CCDC62: variants seen among roughly 807,000 people sequenced by gnomAD.
CCDC62 encodes coiled-coil domain containing 62.
Under a neutral mutation model 80.8 loss-of-function variants are expected in CCDC62, and 72 were observed. That is an observed-to-expected ratio of 0.89 (90% confidence interval 0.74 to 1.08). The LOEUF is 1.08. Ranked by LOEUF, CCDC62 falls within the 50% of genes least tolerant of loss-of-function variation. The pLI is 0.00. For synonymous variants in CCDC62, 286 were observed against 296.5 expected, an observed-to-expected ratio of 0.96 and a Z score of 0.36; for missense variants, 704 against 809.4, an observed-to-expected ratio of 0.87 and a Z score of 1.58.
chr12:122,791,405 T>C (rs75381856), intron 5 of CCDC62, among the ~76,000 whole-genome samples: 8,466 of 147,080 alleles, frequency 0.058, 413 homozygotes, highest in East Asian at 0.28. Flanking sequence ...TCCCAAAGTG[T>C]TGGGATTACA....
chr12:122,786,811 T>A (rs986481098), intron 4 of CCDC62, among the ~76,000 whole-genome samples: 28 of 151,510 alleles, frequency 1.8e-4, no homozygotes, highest in African/African-American at 6.8e-4. Flanking sequence ...ATACAAAAAA[T>A]TCCCCGGGCG....
chr12:122,806,107 ATTGTT>A lies in CCDC62; in HGVS notation c.1707-41_1707-37del, dbSNP rs773235774. 5.1e-6 allele frequency: 8 copies of A among 1,564,024 alleles called. No homozygotes were observed. The African/African-American group carries it at 9.6e-5, about 19-fold the overall frequency. On this transcript the variant is annotated intron_variant, in intron 9 of 12. Transcript: ENST00000253079. ...AGTATAAGAGTGATCTATGTATGAT[ATTGTT>A]TTAAGATATTTGTTTTTGTTGGGTT...
intron 11 of CCDC62, among the ~76,000 whole-genome samples, chr12:122,821,845 C>G (rs2032413928): frequency 6.6e-6 from 1 of 151,994 alleles, no homozygotes; most frequent in Admixed American, 6.6e-5. Context: ...ATGACTAAAC[C>G]AGCTGTGTAT....
intron 3 of CCDC62, among the ~76,000 whole-genome samples, chr12:122,784,395 C>A (rs1275742836): frequency 6.6e-6 from 1 of 152,148 alleles, no homozygotes; most frequent in Non-Finnish European, 1.5e-5. Context: ...GTGGCACGTG[C>A]CTGTAATCCC....
At chr12:122,800,399 A>C (rs557437360) in intron 8 of CCDC62, among the ~76,000 whole-genome samples, 9 of 151,090 alleles carry the variant, frequency 6.0e-5, no homozygotes, top group Admixed American at 4.6e-4. Flanking sequence ...TAGGCAACAT[A>C]GCAAGACCCT....
intron 2 of CCDC62, among the ~76,000 whole-genome samples, chr12:122,778,881 CAAAG>C (rs1879648252): frequency 6.7e-6 from 1 of 148,212 alleles, no homozygotes; most frequent in Non-Finnish European, 1.5e-5. Flanking sequence ...TCCGTCAAAA[CAAAG>C]AAAGAAACAA....
At chr12:122,775,212 C>T (rs185638507) in intron 1 of CCDC62, among the ~76,000 whole-genome samples, 82 of 152,226 alleles carry the variant, frequency 5.4e-4, no homozygotes, top group African/African-American at 1.9e-3. Flanking sequence ...AGCGCGTACC[C>T]GGTGCTTACT....
intron 9 of CCDC62, among the ~76,000 whole-genome samples, chr12:122,804,001 T>TTGG: frequency 6.6e-6 from 1 of 152,226 alleles, no homozygotes; most frequent in East Asian, 1.9e-4. Context: ...TGCCAAGATA[T>TTGG]CACATGACAA....
chr12:122,825,031 A>C (rs937485668), intron 12 of CCDC62, among the ~76,000 whole-genome samples: 1 of 150,792 alleles, frequency 6.6e-6, no homozygotes, highest in Non-Finnish European at 1.5e-5. Flanking sequence ...GGTTGCAGTG[A>C]GCCGAGATCG....
intron 1 of CCDC62, among the ~76,000 whole-genome samples, chr12:122,775,674 G>A (rs7962224): frequency 1.3e-5 from 2 of 152,120 alleles, no homozygotes; most frequent in East Asian, 1.9e-4. Flanking sequence ...GTACAGTGAC[G>A]CAATGTCGGC....
At chr12:122,781,021 T>C (rs1413885482) in intron 2 of CCDC62, 143 bp from the exon 3 acceptor site, 7 of 628,516 alleles carry the variant, frequency 1.1e-5, no homozygotes, top group East Asian at 5.7e-5. Flanking sequence ...TGTGATATTG[T>C]GCATTTCATA....
chr12:122,806,950 A>G (rs1239647856), intron 10 of CCDC62, among the ~76,000 whole-genome samples: 1 of 152,016 alleles, frequency 6.6e-6, no homozygotes, highest in African/African-American at 2.4e-5. Context: ...CCTTCCTCCA[A>G]ATACACAACC....
At chr12:122,780,477 G>A (rs954860287) in intron 2 of CCDC62, among the ~76,000 whole-genome samples, 19 of 151,742 alleles carry the variant, frequency 1.3e-4, no homozygotes, top group African/African-American at 4.1e-4. Context: ...AGCCAGGCGT[G>A]GTGGCAGGCA....
chr12:122,789,573 C>T (rs1405424521), intron 5 of CCDC62, among the ~76,000 whole-genome samples: 2 of 152,152 alleles, frequency 1.3e-5, no homozygotes, highest in African/African-American at 4.8e-5. Flanking sequence ...GCTGGGATTA[C>T]AGGCACCTAC....
At chr12:122,785,692 A>G in intron 3 of CCDC62, 27 bp from the exon 4 acceptor site, 1 of 1,418,478 alleles carries the variant, frequency 7.0e-7, no homozygotes, top group Non-Finnish European at 1.0e-6. Context: ...GGACTCAAGC[A>G]GTATCATCTG....
rs745347934 is a variant in CCDC62 at position 122,806,309 on chromosome 12, T to C, written c.1851+14T>C. The C allele has an allele frequency of 2.5e-6, 4 of 1,598,288 alleles. No homozygotes were observed. In the African/African-American group the frequency reaches 5.4e-5, roughly 21 times the overall value. On this transcript the variant is annotated intron_variant, in intron 10 of 12. Coordinates refer to ENST00000253079, the MANE Select transcript of CCDC62 (RefSeq NM_201435.5). ...TTCAATGAAAAGGTTCGTATTTTGC[T>C]TAGACATCCCCAGCTTACTCAAGCC... is the stretch of plus-strand genomic sequence containing the variant.
At chr12:122,800,018 G>C (rs2031195940) in intron 8 of CCDC62, among the ~76,000 whole-genome samples, 1 of 151,928 alleles carries the variant, frequency 6.6e-6, no homozygotes, top group Non-Finnish European at 1.5e-5. Flanking sequence ...TTTTGAGATG[G>C]GGTCTTGCTC....
intron 10 of CCDC62, among the ~76,000 whole-genome samples, chr12:122,812,676 G>C (rs2649917): frequency 0.89 from 34,699 of 38,788 alleles, 16,247 homozygotes; most frequent in East Asian, 0.97. Context: ...GAGCCGAGAT[G>C]ATGCCACTGC....
At position 122,781,246 on chromosome 12, in the gene CCDC62, A is replaced by G. The variant is rs376000949; in HGVS notation, c.312A>G (p.Gln104=). 10 of 1,613,890 alleles carry G rather than the reference A, an allele frequency of 6.2e-6. No individual in the cohort carries two copies. The African/African-American group carries it at 1.2e-4, about 19-fold the overall frequency. The change falls in exon 3 of 13, where the codon CAA becomes CAG. Residue 104 remains glutamine (Q), a synonymous_variant. Transcript: ENST00000253079. ...KALESNQMEC[Q]TALQKTQLQL... is the part of the protein sequence containing the mutation. Reference sequence around the variant, plus strand: ...TTGAATCCAATCAAATGGAATGCCAAACAGCTCTCCAAAAGACCCAACTAC... The same window carrying G: ...TTGAATCCAATCAAATGGAATGCCAGACAGCTCTCCAAAAGACCCAACTAC...
Sources: gnomAD v4.1 joint callset for allele counts (sites outside exome capture counted in the v4.1 genomes callset) on GRCh38, gnomAD v4.1.1 for gene constraint, MANE v1.5 for transcripts, NCBI Gene and HGNC (gene_info 2026-07-23, HGNC 2026-07-21) for gene names.